Variants in CCDC102B observed in about 807,000 individuals in gnomAD.
The protein encoded by CCDC102B is coiled-coil domain containing 102B.
CCDC102B carries 75 observed loss-of-function variants against 57.4 expected under a neutral mutation model. That is an observed-to-expected ratio of 1.31 (90% CI 1.08 to 1.58). CCDC102B has a LOEUF of 1.58. CCDC102B is among the 40% of genes most tolerant of loss of function. CCDC102B has a pLI of 0.00. For missense variants in CCDC102B, 636 were observed against 582.6 expected, an observed-to-expected ratio of 1.09 and a Z score of -0.94; for synonymous variants, 206 against 201.9, an observed-to-expected ratio of 1.02 and a Z score of -0.17.
intron 1 of CCDC102B, among the ~76,000 whole-genome samples, chr18:68,810,695 T>G (rs1394821816): frequency 3.5e-5 from 5 of 143,306 alleles, no homozygotes; most frequent in East Asian, 4.0e-4. Context: ...TTTTTTTTTT[T>G]TTTTTTTTTT....
At chr18:68,812,189 TAGG>T (rs1027477518) in intron 1 of CCDC102B, among the ~76,000 whole-genome samples, 1 of 151,956 alleles carries the variant, frequency 6.6e-6, no homozygotes, top group Non-Finnish European at 1.5e-5. Context: ...ATATTTCCCT[TAGG>T]AGGATTAACC....
chr18:68,833,823 A>T (rs980950517), intron 1 of CCDC102B, among the ~76,000 whole-genome samples: 2 of 152,134 alleles, frequency 1.3e-5, no homozygotes, highest in Non-Finnish European at 2.9e-5. Context: ...ACATTCAAAA[A>T]TATTTGCAGG....
intron 2 of CCDC102B, among the ~76,000 whole-genome samples, chr18:68,751,384 C>G (rs936407626): frequency 6.6e-6 from 1 of 152,122 alleles, no homozygotes; most frequent in Admixed American, 6.6e-5. Flanking sequence ...ATTTAACACA[C>G]GGATATTCAC....
chr18:68,872,294 A>G (rs539970370), intron 4 of CCDC102B, among the ~76,000 whole-genome samples: 71 of 152,262 alleles, frequency 4.7e-4, no homozygotes, highest in African/African-American at 1.6e-3. Context: ...CCAGCATTGC[A>G]ATTAGTACAA....
At chr18:69,009,924 A>ATTTTTTTTTTTTGTTTTT (rs2051458191) in intron 6 of CCDC102B, among the ~76,000 whole-genome samples, 1 of 33,514 alleles carries the variant, frequency 3.0e-5, no homozygotes, top group Non-Finnish European at 5.8e-5. Flanking sequence ...TTTAATAAAG[A>ATTTTTTTTTTTTGTTTTT]TTTTTTTTTT....
intron 6 of CCDC102B, among the ~76,000 whole-genome samples, chr18:68,922,412 A>T (rs1159413814): frequency 2.0e-5 from 3 of 152,180 alleles, no homozygotes; most frequent in African/African-American, 7.2e-5. Context: ...TTTAGGCCTC[A>T]AGAACAGAAT....
chr18:68,748,213 TGTGTGTGTG>T (rs2033703092), intron 2 of CCDC102B, among the ~76,000 whole-genome samples: 1 of 46,896 alleles, frequency 2.1e-5, no homozygotes, highest in African/African-American at 7.7e-5. Context: ...CTGGTGTGTG[TGTGTGTGTG>T]TGTGTGTGTG....
At chr18:68,808,481 T>G (rs2036116866) in intron 1 of CCDC102B, among the ~76,000 whole-genome samples, 1 of 140,640 alleles carries the variant, frequency 7.1e-6, no homozygotes, top group Admixed American at 7.0e-5. Flanking sequence ...TTTTTTTTTT[T>G]TTTTTTTTTT....
chr18:68,847,563 A>G (rs1361909664), intron 4 of CCDC102B, among the ~76,000 whole-genome samples: 2 of 151,932 alleles, frequency 1.3e-5, no homozygotes, highest in Non-Finnish European at 2.9e-5. Flanking sequence ...GAGTTGGTTT[A>G]AAAAGCAATA....
intron 6 of CCDC102B, among the ~76,000 whole-genome samples, chr18:68,990,060 C>T (rs1480277063): frequency 6.6e-6 from 1 of 152,136 alleles, no homozygotes; most frequent in East Asian, 1.9e-4. Context: ...ATTCGTGTTC[C>T]AAAAAATTCT....
intron 5 of CCDC102B, among the ~76,000 whole-genome samples, chr18:68,886,672 G>A (rs546780646): frequency 4.9e-4 from 74 of 152,080 alleles, no homozygotes; most frequent in Non-Finnish European, 9.6e-4. Flanking sequence ...ATTAAATCTT[G>A]TCACTGACTA....
At position 69,038,334 on chromosome 18, in the gene CCDC102B, G is replaced by T. The variant is rs1599882930; in HGVS notation, c.1435-15696G>T. The stretch of plus-strand genomic sequence containing the variant: ...TTGACTTTTTCATGATCATAATGGA[G>T]TACATTTGTGCAAAATGTTTTGTGT... On this transcript the variant is annotated intron_variant, in intron 7 of 7. Transcript: ENST00000360242. 3.9e-5 allele frequency among the ~76,000 whole-genome samples: 3 copies of T among 77,600 alleles called. No homozygotes were observed. The Admixed American group carries it at 4.6e-4, about 12-fold the overall frequency. The allele number at this position is 77,600 out of a possible 152,430, so 50.9% of individuals were successfully genotyped here.
chr18:68,991,383 T>C (rs2050863757), intron 6 of CCDC102B, among the ~76,000 whole-genome samples: 1 of 152,182 alleles, frequency 6.6e-6, no homozygotes, highest in African/African-American at 2.4e-5. Flanking sequence ...TCCCTGAACA[T>C]TTGTAACTTG....
At chr18:68,926,212 CAACTTGA>C (rs2041469331) in intron 6 of CCDC102B, among the ~76,000 whole-genome samples, 1 of 151,698 alleles carries the variant, frequency 6.6e-6, no homozygotes, top group South Asian at 2.1e-4. Flanking sequence ...AAAAGTTTTG[CAACTTGA>C]AAGTATTTAG....
At chr18:68,871,996 C>T (rs1038396679) in intron 4 of CCDC102B, among the ~76,000 whole-genome samples, 4 of 152,096 alleles carry the variant, frequency 2.6e-5, no homozygotes, top group South Asian at 4.1e-4. Context: ...AGAGAAGTAA[C>T]TGGATTTACT....
intron 6 of CCDC102B, among the ~76,000 whole-genome samples, chr18:68,920,031 T>C (rs532855111): frequency 2.0e-5 from 3 of 152,276 alleles, no homozygotes; most frequent in South Asian, 2.1e-4. Flanking sequence ...ACTTGTGTCA[T>C]GGGGATTTGT....
chr18:68,721,432 CA>C (rs1287006205), intron 2 of CCDC102B: 1 of 152,140 alleles, frequency 6.6e-6, no homozygotes, highest in African/African-American at 2.4e-5. Context: ...TCTGACAGGT[CA>C]GATTAGTTTT....
At chr18:69,056,981 ATTTTAT>A (rs900354578), downstream of CCDC102B, among the ~76,000 whole-genome samples, 1 of 151,988 alleles carries the variant, frequency 6.6e-6, no homozygotes, top group Non-Finnish European at 1.5e-5. Flanking sequence ...ATCATATAGT[ATTTTAT>A]TTTTGTTACT....
chr18:68,836,869 C>G lies in CCDC102B; in HGVS notation c.106C>G (p.Pro36Ala), dbSNP rs2037399412. Residue 36 changes from proline (P) to alanine (A), a missense_variant, in exon 2 of 8, where the codon CCC (proline) becomes GCC (alanine). Coordinates refer to ENST00000360242, the MANE Select transcript of CCDC102B (RefSeq NM_024781.3). Reference sequence around the variant, plus strand: ...CGACATGGTGGCACCTGCCTCACCCCCCAGGGATACCTGTAATACCTGCTT... The same window carrying G: ...CGACATGGTGGCACCTGCCTCACCCGCCAGGGATACCTGTAATACCTGCTT... ...RGDMVAPASP[P>A]RDTCNTCFPL... 4 of 1,614,082 alleles carry G rather than the reference C, an allele frequency of 2.5e-6. No homozygotes were observed. Among genetic ancestry groups the G allele is most frequent in the Non-Finnish European group, 2.5e-6 (3 of 1,180,004 alleles).
Sources: allele counts gnomAD v4.1 joint callset (sites outside exome capture counted in the v4.1 genomes callset), GRCh38; gene constraint gnomAD v4.1.1; transcripts MANE v1.5; gene names NCBI Gene and HGNC (gene_info 2026-07-23, HGNC 2026-07-21).